Variants in HHAT observed in about 807,000 individuals in gnomAD.
HHAT encodes protein-cysteine N-palmitoyltransferase HHAT.
Under a neutral mutation model 70.8 loss-of-function variants are expected in HHAT, and 47 were observed. That is an observed-to-expected ratio of 0.66 (90% CI 0.53 to 0.85). The LOEUF is 0.85. Among genes scored for constraint, HHAT ranks in the 40% least tolerant of loss-of-function variants. The pLI, the probability that HHAT is intolerant of heterozygous loss-of-function variation, is 0.00. For synonymous variants in HHAT, 228 were observed against 247.6 expected, an observed-to-expected ratio of 0.92 and a Z score of 0.74; for missense variants, 609 against 604.8, an observed-to-expected ratio of 1.01 and a Z score of -0.07.
At chr1:210,478,548 G>A (rs942904026) in intron 8 of HHAT, among the ~76,000 whole-genome samples, 1 of 152,194 alleles carries the variant, frequency 6.6e-6, no homozygotes, top group African/African-American at 2.4e-5. Flanking sequence ...CAGCCTAAGG[G>A]TTCTAGGTCT....
In HHAT at chr1:210,623,574, G is replaced by T. The variant is rs1669283006; in HGVS notation, c.1294G>T (p.Ala432Ser). 1 of 1,614,008 alleles carries T rather than the reference G, an allele frequency of 6.2e-7. No homozygotes were observed. Among genetic ancestry groups the T allele is most frequent in the Non-Finnish European group, 8.5e-7 (1 of 1,179,992 alleles). The change falls in exon 11 of 12, where the codon GCT (alanine) becomes TCT (serine). Residue 432 changes from alanine (A) to serine (S), a missense_variant. By Grantham distance (99) the Ala-to-Ser change is moderately conservative (BLOSUM62 1). Transcript: ENST00000261458. ...TCGCCGTCGATTCCACGCTGCCCTT[G>T]CTTCTTGTTCCACCTCGATGCTGAT... ...QARRRFHAAL[A>S]SCSTSMLILS...
intron 9 of HHAT, among the ~76,000 whole-genome samples, chr1:210,576,523 G>A (rs1405094288): frequency 1.5e-5 from 2 of 135,220 alleles, no homozygotes; most frequent in Non-Finnish European, 3.2e-5. Context: ...TTGTGGGGTC[G>A]GGGGAGGGGG....
At chr1:210,636,488 A>G (rs1358471820) in intron 11 of HHAT, among the ~76,000 whole-genome samples, 6 of 152,226 alleles carry the variant, frequency 3.9e-5, no homozygotes, top group Non-Finnish European at 8.8e-5. Context: ...AGCACAGTCT[A>G]GACAGACAGA....
At chr1:210,583,487 T>TA (rs981585884) in intron 9 of HHAT, among the ~76,000 whole-genome samples, 8 of 152,204 alleles carry the variant, frequency 5.3e-5, no homozygotes, top group African/African-American at 1.7e-4. Context: ...ATTGCTTTTC[T>TA]AAAAAAAGAG....
intron 4 of HHAT, among the ~76,000 whole-genome samples, chr1:210,390,806 C>T (rs1217415370): frequency 1.3e-5 from 2 of 152,190 alleles, no homozygotes; most frequent in African/African-American, 4.8e-5. Context: ...CAGCTCCAAC[C>T]AAGTTGCTGC....
chr1:210,568,175 T>C (rs915234780), intron 9 of HHAT, among the ~76,000 whole-genome samples: 1 of 152,210 alleles, frequency 6.6e-6, no homozygotes, highest in Non-Finnish European at 1.5e-5. Context: ...GAAGTCTCCA[T>C]AGAAGTCCGA....
intron 10 of HHAT, among the ~76,000 whole-genome samples, chr1:210,623,246 ATT>A (rs1669209489): frequency 6.6e-6 from 1 of 151,766 alleles, no homozygotes; most frequent in Admixed American, 6.6e-5. Context: ...TAATTTTTAA[ATT>A]GTTTTTGTAG....
At chr1:210,485,175 C>T (rs1001770622) in intron 8 of HHAT, among the ~76,000 whole-genome samples, 3 of 152,252 alleles carry the variant, frequency 2.0e-5, no homozygotes, top group Admixed American at 6.5e-5. Context: ...GCCTCCCCTT[C>T]CCCCATGCAG....
intron 10 of HHAT, among the ~76,000 whole-genome samples, chr1:210,605,350 G>T (rs1319185406): frequency 6.6e-6 from 1 of 152,156 alleles, no homozygotes; most frequent in African/African-American, 2.4e-5. Flanking sequence ...CAGACTAGAA[G>T]AATCTTCTTT....
intron 3 of HHAT, chr1:210,374,063 A>G (rs1026279240): frequency 6.6e-6 from 1 of 152,232 alleles, no homozygotes; most frequent in African/African-American, 2.4e-5. Flanking sequence ...TCTGTTACAC[A>G]ATGTTTAAAC....
At chr1:210,451,349 A>G in intron 7 of HHAT, among the ~76,000 whole-genome samples, 1 of 152,194 alleles carries the variant, frequency 6.6e-6, no homozygotes, top group East Asian at 1.9e-4. Context: ...AATTCCCTGC[A>G]TGTTCTCTTT....
intron 3 of HHAT, chr1:210,369,634 C>G (rs980303556): frequency 6.6e-6 from 1 of 152,270 alleles, no homozygotes; most frequent in African/African-American, 2.4e-5. Flanking sequence ...GGCTCAGTCT[C>G]TGTCCTAAGT....
At chr1:210,576,062 T>C (rs932560685) in intron 9 of HHAT, among the ~76,000 whole-genome samples, 3 of 152,204 alleles carry the variant, frequency 2.0e-5, no homozygotes, top group Admixed American at 2.0e-4. Context: ...GGCTGTCATC[T>C]GGATTAAGCA....
intron 10 of HHAT, among the ~76,000 whole-genome samples, chr1:210,611,934 C>A (rs748873779): frequency 6.6e-6 from 1 of 152,096 alleles, no homozygotes; most frequent in African/African-American, 2.4e-5. Flanking sequence ...ATTTTTACAT[C>A]AATGTTCATC....
chr1:210,429,158 A>G (rs1010862655), intron 7 of HHAT, among the ~76,000 whole-genome samples: 3 of 152,018 alleles, frequency 2.0e-5, no homozygotes, highest in Non-Finnish European at 2.9e-5. Context: ...AAGGAATTAT[A>G]TAACAAACAC....
chr1:210,525,646 AAG>A (rs1174309803), intron 9 of HHAT, among the ~76,000 whole-genome samples: 2 of 152,224 alleles, frequency 1.3e-5, no homozygotes. Flanking sequence ...AGAAAAAACT[AAG>A]AGAAACTCTC....
chr1:210,654,546 A>G (rs1214213851), intron 11 of HHAT, among the ~76,000 whole-genome samples: 2 of 152,246 alleles, frequency 1.3e-5, no homozygotes, highest in East Asian at 1.9e-4. Context: ...GTTTTACATC[A>G]GATTCTTTTC....
At chr1:210,553,794 C>G (rs1468589129) in intron 9 of HHAT, among the ~76,000 whole-genome samples, 1 of 152,194 alleles carries the variant, frequency 6.6e-6, no homozygotes, top group Non-Finnish European at 1.5e-5. Context: ...CCTCCTCTCC[C>G]TCTCTCCCTC....
intron 7 of HHAT, among the ~76,000 whole-genome samples, chr1:210,424,939 G>A (rs1401801150): frequency 1.3e-5 from 2 of 152,120 alleles, no homozygotes; most frequent in Non-Finnish European, 2.9e-5. Flanking sequence ...CTTCTATAAT[G>A]GTTGAACTAA....
Sources: allele counts gnomAD v4.1 joint callset (sites outside exome capture counted in the v4.1 genomes callset), GRCh38; gene constraint gnomAD v4.1.1; transcripts MANE v1.5; gene names NCBI Gene and HGNC (gene_info 2026-07-23, HGNC 2026-07-21).